Variants in BAZ1B observed in about 807,000 individuals in gnomAD.
The protein encoded by BAZ1B is tyrosine-protein kinase BAZ1B.
Under a neutral mutation model 153.8 loss-of-function variants are expected in BAZ1B, and 22 were observed. The observed-to-expected ratio is 0.14, with a 90% CI of 0.10 to 0.20. BAZ1B has a LOEUF of 0.20. BAZ1B is among the 10% of genes least tolerant of loss of function. The probability of loss-of-function intolerance (pLI) is 1.00; values close to 1 mark genes in which losing one functional copy is unlikely to be tolerated. For synonymous variants in BAZ1B, 676 were observed against 633.4 expected (o/e 1.07, Z -1.01); for missense variants, 1,325 against 1,799.3 (o/e 0.74, Z 4.77).
chr7:73,488,380 T>C (rs1465779709), intron 6 of BAZ1B, among the ~76,000 whole-genome samples: 1 of 152,144 alleles, frequency 6.6e-6, no homozygotes, highest in Non-Finnish European at 1.5e-5. Flanking sequence ...GAAATATATA[T>C]ATGTACCATA....
chr7:73,459,817 A>G (rs749322633), intron 12 of BAZ1B, 99 bp from the exon 13 acceptor site: 35 of 1,056,968 alleles, frequency 3.3e-5, no homozygotes, highest in Non-Finnish European at 4.3e-5. Flanking sequence ...CAAATGCCAC[A>G]TAACATTCAT....
At chr7:73,510,958 G>C in intron 1 of BAZ1B, 106 bp from the exon 2 acceptor site, 1 of 912,978 alleles carries the variant, frequency 1.1e-6, no homozygotes, top group Non-Finnish European at 1.7e-6. Flanking sequence ...TTTTTAAAAT[G>C]TGTAGCATGA....
chr7:73,521,540 G>T (rs554914854), intron 1 of BAZ1B, among the ~76,000 whole-genome samples: 40 of 152,144 alleles, frequency 2.6e-4, no homozygotes, highest in South Asian at 2.1e-4. Flanking sequence ...AGGTAATGGG[G>T]ATGGGGGATG....
At chr7:73,462,859 C>A in intron 12 of BAZ1B, 63 bp downstream of exon 12, 1 of 1,562,444 alleles carries the variant, frequency 6.4e-7, no homozygotes, top group Non-Finnish European at 8.8e-7. Flanking sequence ...AGAACAGCAC[C>A]AGGGAAGAAC....
intron 1 of BAZ1B, among the ~76,000 whole-genome samples, chr7:73,511,095 C>T (rs1335726006): frequency 2.6e-5 from 4 of 151,850 alleles, no homozygotes; most frequent in Admixed American, 1.3e-4. Flanking sequence ...GGTGAAACCC[C>T]GTGTCTACTA....
chr7:73,517,522 G>A (rs1416903883), intron 1 of BAZ1B, among the ~76,000 whole-genome samples: 2 of 152,000 alleles, frequency 1.3e-5, no homozygotes, highest in South Asian at 2.1e-4. Context: ...AAGAAAAAAA[G>A]GGAAAGCAAG....
chr7:73,450,040 TTC>T lies in BAZ1B; in HGVS notation c.3581-353_3581-352del, dbSNP rs779250232. Among the ~76,000 whole-genome samples, 6 of 151,584 alleles carry T rather than the reference TTC, an allele frequency of 4.0e-5. No homozygotes were observed. The highest frequency in any genetic ancestry group is 1.3e-4 in the Admixed American group (2 of 15,198). ...TTTCTCAACTTATGCCTGATGAGTG[TTC>T]TCTCTCTCTCTTTTTTTTTTTTGGA... On this transcript the variant is annotated intron_variant, in intron 14 of 19. Transcript: ENST00000339594. The surrounding 1 kb of genome is among the most constrained non-coding windows in gnomAD (Gnocchi z 4.1).
intron 13 of BAZ1B, among the ~76,000 whole-genome samples, chr7:73,457,866 T>C (rs1293207475): frequency 6.6e-6 from 1 of 152,118 alleles, no homozygotes; most frequent in Non-Finnish European, 1.5e-5. Context: ...GGTAACACAC[T>C]CAGAAGCTGG....
chr7:73,509,608 C>T (rs1790492642), intron 2 of BAZ1B, among the ~76,000 whole-genome samples: 1 of 151,360 alleles, frequency 6.6e-6, no homozygotes, highest in Non-Finnish European at 1.5e-5. Flanking sequence ...ATAGTTCCAG[C>T]TACGTAAGAG....
At chr7:73,476,740 C>A in intron 7 of BAZ1B, 128 bp downstream of exon 7, 1 of 1,411,744 alleles carries the variant, frequency 7.1e-7, no homozygotes, top group Non-Finnish European at 9.4e-7. Flanking sequence ...AAATACATAC[C>A]AATAGGTGCT....
At chr7:73,457,995 G>C (rs1394538410) in intron 13 of BAZ1B, among the ~76,000 whole-genome samples, 3 of 152,080 alleles carry the variant, frequency 2.0e-5, no homozygotes, top group African/African-American at 7.2e-5. Context: ...AAAATGACCC[G>C]GTTAACCTAA....
intron 12 of BAZ1B, among the ~76,000 whole-genome samples, chr7:73,461,432 T>C (rs1788392880): frequency 6.6e-6 from 1 of 152,128 alleles, no homozygotes; most frequent in Non-Finnish European, 1.5e-5. Flanking sequence ...AATGACAACC[T>C]AACGTCAGCA....
At chr7:73,469,771 C>A in intron 8 of BAZ1B, 121 bp from the exon 9 acceptor site, 1 of 1,196,494 alleles carries the variant, frequency 8.4e-7, no homozygotes, top group South Asian at 1.4e-5. Context: ...TTACAGAATT[C>A]TTCCTCTTCA....
At chr7:73,451,122 C>G in intron 13 of BAZ1B, 128 bp from the exon 14 acceptor site, 7 of 1,203,168 alleles carry the variant, frequency 5.8e-6, no homozygotes, top group Non-Finnish European at 7.8e-6. Context: ...TAATCTAAAC[C>G]ATTTATTCTT....
chr7:73,513,453 G>C (rs1371367362), intron 1 of BAZ1B, among the ~76,000 whole-genome samples: 1 of 152,150 alleles, frequency 6.6e-6, no homozygotes, highest in Non-Finnish European at 1.5e-5. Context: ...TAATATCTAA[G>C]TGATTAAACA....
intron 5 of BAZ1B, among the ~76,000 whole-genome samples, chr7:73,491,949 C>T (rs1789662105): frequency 6.6e-6 from 1 of 150,700 alleles, no homozygotes; most frequent in Admixed American, 6.6e-5. Context: ...AGTAACATTC[C>T]ATATTTCTTA....
chr7:73,467,382 T>C (rs1187165038), intron 9 of BAZ1B, among the ~76,000 whole-genome samples: 3 of 152,104 alleles, frequency 2.0e-5, no homozygotes, highest in Non-Finnish European at 4.4e-5. Flanking sequence ...TTTTTTTTAA[T>C]TTTTTGAGAC....
At chr7:73,502,884 G>A (rs1790193047) in intron 3 of BAZ1B, among the ~76,000 whole-genome samples, 1 of 152,202 alleles carries the variant, frequency 6.6e-6, no homozygotes, top group South Asian at 2.1e-4. Flanking sequence ...AACATTCTGA[G>A]TTAGTTTTGC....
chr7:73,493,998 A>T (rs1789767781), intron 4 of BAZ1B, among the ~76,000 whole-genome samples: 2 of 152,216 alleles, frequency 1.3e-5, no homozygotes, highest in South Asian at 4.1e-4. Context: ...CTTGTATACC[A>T]TTTAAAGAGA....
Sources: gnomAD v4.1 joint callset for allele counts (sites outside exome capture counted in the v4.1 genomes callset) on GRCh38, gnomAD v4.1.1 for gene constraint, Gnocchi (gnomAD v3.1) non-coding constraint, MANE v1.5 for transcripts, NCBI Gene and HGNC (gene_info 2026-07-23, HGNC 2026-07-21) for gene names.